The following UNC119B variants were observed in gnomAD, a reference collection of about 807,000 sequenced individuals.
UNC119B encodes unc-119 lipid binding chaperone B, also known as protein unc-119 homolog B.
UNC119B carries 16 observed loss-of-function variants against 23.4 expected under a neutral mutation model. The ratio of observed to expected loss-of-function variants is 0.68; its 90% CI spans 0.46 to 1.04. The LOEUF (loss-of-function observed/expected upper bound fraction) is 1.04, where lower values mean the gene tolerates loss of function less well. Ranked by LOEUF, UNC119B falls within the 50% of genes least tolerant of loss-of-function variation. The pLI is 0.00. For synonymous variants in UNC119B, 144 were observed against 145.4 expected (o/e 0.99, Z 0.07); for missense variants, 350 against 361.3 (o/e 0.97, Z 0.25).
chr12:120,713,019 A>G (rs760570022), intron 1 of UNC119B, among the ~76,000 whole-genome samples: 14 of 152,242 alleles, frequency 9.2e-5, no homozygotes, highest in African/African-American at 1.2e-4. Flanking sequence ...AAAGAAATCC[A>G]CCTTTTCTAT....
At chr12:120,717,712 G>GCCCA (rs1882811054) in intron 4 of UNC119B, among the ~76,000 whole-genome samples, 1 of 149,790 alleles carries the variant, frequency 6.7e-6, no homozygotes, top group African/African-American at 2.5e-5. Context: ...ATAGGCACCT[G>GCCCA]CCACCATGCC....
Position 120,716,874 on chromosome 12 carries a change from G to A in UNC119B, c.475G>A (p.Glu159Lys). ...TTACAGAGATTTATTTTCCAGGGTG[G>A]AGTTCACAGTGGGAGACAAACCTGT... ...LRLRTVGATVEFTVGDKPVSN... is the reference protein window; with the variant it reads ...LRLRTVGATVKFTVGDKPVSN... Residue 159 changes from glutamate (E) to lysine (K), a missense_variant, in exon 4 of 5, where the codon GAG (glutamate) becomes AAG (lysine). Transcript: ENST00000344651. The A allele has an allele frequency of 6.2e-7, 1 of 1,609,506 alleles. No homozygotes were observed. Among genetic ancestry groups the A allele is most frequent in the Non-Finnish European group, 8.5e-7 (1 of 1,176,544 alleles).
At chr12:120,718,989 T>A (rs966261763) in intron 4 of UNC119B, among the ~76,000 whole-genome samples, 3 of 152,246 alleles carry the variant, frequency 2.0e-5, no homozygotes, top group Non-Finnish European at 4.4e-5. Context: ...TATAGTGTTA[T>A]AAGTTTTACC....
At position 120,716,857 on chromosome 12, in the gene UNC119B, A is replaced by G; in HGVS notation, c.471-13A>G. On this transcript the variant is annotated splice_polypyrimidine_tract_variant and intron_variant, in intron 3 of 4. Transcript: ENST00000344651. ...AGGAGGCAAAGTCGGGCTTACAGAG[A>G]TTTATTTTCCAGGGTGGAGTTCACA... 6.2e-7 allele frequency: 1 copy of G among 1,607,054 alleles called. No homozygotes were observed.
At chr12:120,714,522 T>C (rs1477850665) in intron 2 of UNC119B, among the ~76,000 whole-genome samples, 1 of 151,998 alleles carries the variant, frequency 6.6e-6, no homozygotes, top group Non-Finnish European at 1.5e-5. Context: ...GATTTCACCA[T>C]GTTGGTCAGG....
rs564065680 is a variant in UNC119B, at chr12:120,722,800, A to G, written c.*2768A>G. On this transcript the variant is annotated 3_prime_UTR_variant, in exon 5 of 5. Coordinates refer to ENST00000344651, the MANE Select transcript of UNC119B (RefSeq NM_001080533.3). ...TCTATGTTTTAAGAGGTAAAAGGAC[A>G]TAACAAGTGAAAGAAGTTTTGGGCT... 6.6e-6 allele frequency: 1 copy of G among 152,386 alleles called. No homozygotes were observed. Among genetic ancestry groups the G allele is most frequent in the Non-Finnish European group, 1.5e-5 (1 of 68,044 alleles). The allele number at this position is 152,386 out of a possible 1,614,324, so 9.4% of individuals were successfully genotyped here. A position where few individuals can be genotyped will look rare whatever the true frequency, so the allele number is the denominator to read the frequency against.
chr12:120,715,306 T>G (rs1286653752), intron 2 of UNC119B, among the ~76,000 whole-genome samples: 5 of 152,168 alleles, frequency 3.3e-5, no homozygotes, highest in African/African-American at 4.8e-5. Flanking sequence ...CTGAGTCACA[T>G]TGTTGGAGCC....
intron 1 of UNC119B, among the ~76,000 whole-genome samples, chr12:120,712,662 A>G (rs1882694356): frequency 1.3e-5 from 2 of 152,232 alleles, no homozygotes; most frequent in Admixed American, 6.5e-5. Flanking sequence ...ACACGTGGTT[A>G]TGTAAAATTC....
intron 4 of UNC119B, among the ~76,000 whole-genome samples, chr12:120,718,710 T>A (rs529695181): frequency 6.6e-6 from 1 of 152,260 alleles, no homozygotes; most frequent in Admixed American, 6.5e-5. Flanking sequence ...TTCAAGTCAT[T>A]TATGAGGGTG....
At chr12:120,712,383 A>G (rs1882688756) in intron 1 of UNC119B, among the ~76,000 whole-genome samples, 1 of 152,258 alleles carries the variant, frequency 6.6e-6, no homozygotes. Context: ...AACTCAGGCA[A>G]TAAAAGATCA....
At chr12:120,718,869 G>A (rs189481471) in intron 4 of UNC119B, among the ~76,000 whole-genome samples, 1 of 152,350 alleles carries the variant, frequency 6.6e-6, no homozygotes, top group African/African-American at 2.4e-5. Context: ...CAGGTAAAAT[G>A]AGGATTGCTG....
chr12:120,711,239 G>A (rs1289066767), intron 1 of UNC119B: 1 of 152,538 alleles, frequency 6.6e-6, no homozygotes, highest in Admixed American at 6.5e-5. Flanking sequence ...TGGGTCGGGA[G>A]CGTTGCCCCT....
intron 2 of UNC119B, among the ~76,000 whole-genome samples, chr12:120,715,490 C>T (rs1431247033): frequency 1.4e-5 from 2 of 147,618 alleles, no homozygotes; most frequent in South Asian, 2.2e-4. Flanking sequence ...GTACTAACTC[C>T]TATTCACATT....
chr12:120,715,938 C>T (rs543584211), intron 2 of UNC119B, among the ~76,000 whole-genome samples: 1 of 152,198 alleles, frequency 6.6e-6, no homozygotes, highest in African/African-American at 2.4e-5. Context: ...CACCCTTTCC[C>T]AGGTGGTCAA....
intron 2 of UNC119B, among the ~76,000 whole-genome samples, chr12:120,714,323 T>G (rs1419886580): frequency 5.3e-5 from 8 of 152,106 alleles, no homozygotes; most frequent in East Asian, 3.9e-4. Context: ...GGTTTTTTTT[T>G]TGTGTTGTTT....
rs1359848016 is a variant in UNC119B, at chr12:120,717,038, T to C, written c.639T>C (p.Asp213=). 6.3e-7 allele frequency: 1 copy of C among 1,587,978 alleles called. No homozygotes were observed. Among genetic ancestry groups the C allele is most frequent in the Admixed American group, 1.7e-5 (1 of 57,676 alleles). ...HIYEFPQLSE[D]VIRLMIENPY... ...ATGAGTTTCCCCAGCTTTCGGAGGA[T>C]GTCAGTATGTATCCCCTGACCCTTA... The change falls in exon 4 of 5, where the codon GAT becomes GAC. Residue 213 remains aspartate (D), a synonymous_variant. Transcript: ENST00000344651.
At chr12:120,712,570 A>G (rs1860496240) in intron 1 of UNC119B, among the ~76,000 whole-genome samples, 1 of 152,220 alleles carries the variant, frequency 6.6e-6, no homozygotes, top group African/African-American at 2.4e-5. Flanking sequence ...TGTATTGTCT[A>G]CTGTATGATT....
At position 120,716,859 on chromosome 12, in the gene UNC119B, T is replaced by G; in HGVS notation, c.471-11T>G. On this transcript the variant is annotated splice_polypyrimidine_tract_variant and intron_variant, in intron 3 of 4. Transcript: ENST00000344651. Reference sequence around the variant, plus strand: ...GAGGCAAAGTCGGGCTTACAGAGATTTATTTTCCAGGGTGGAGTTCACAGT... The same window carrying G: ...GAGGCAAAGTCGGGCTTACAGAGATGTATTTTCCAGGGTGGAGTTCACAGT... The G allele has an allele frequency of 4.4e-6, 7 of 1,607,182 alleles. No homozygotes were observed. Among genetic ancestry groups the G allele is most frequent in the Non-Finnish European group, 6.0e-6 (7 of 1,174,562 alleles).
Position 120,720,007 on chromosome 12 carries a change from A to C in UNC119B, c.731A>C (p.Asp244Ala). The change falls in exon 5 of 5, where the codon GAT (aspartate) becomes GCT (alanine). Residue 244 changes from aspartate to alanine, a missense_variant. Physicochemically the swap from Asp to Ala is moderately radical, Grantham distance 126 (BLOSUM62 -2). Coordinates refer to ENST00000344651, the MANE Select transcript of UNC119B (RefSeq NM_001080533.3). ...AAGCTGATAATGCACAACAAGGCTG[A>C]TTATGCCTATAATGGAGGCCAGTAA... is the stretch of plus-strand genomic sequence containing the variant. ...DNKLIMHNKADYAYNGGQ is the reference protein window; with the variant it reads ...DNKLIMHNKAAYAYNGGQ 6.2e-7 allele frequency: 1 copy of C among 1,614,036 alleles called. No homozygotes were observed. Among genetic ancestry groups the C allele is most frequent in the Non-Finnish European group, 8.5e-7 (1 of 1,179,918 alleles).
Sources: gnomAD v4.1 joint callset for allele counts (sites outside exome capture counted in the v4.1 genomes callset) on GRCh38, gnomAD v4.1.1 for gene constraint, MANE v1.5 for transcripts, NCBI Gene and HGNC (gene_info 2026-07-23, HGNC 2026-07-21) for gene names.